The following MED12L variants were observed in gnomAD, a reference collection of about 807,000 sequenced individuals.
The protein encoded by MED12L is mediator of RNA polymerase II transcription subunit 12-like protein.
MED12L carries 60 observed loss-of-function variants against 281.3 expected under a neutral mutation model. The ratio of observed to expected loss-of-function variants is 0.21; its 90% confidence interval spans 0.17 to 0.26. The LOEUF (loss-of-function observed/expected upper bound fraction) is 0.26, where lower values mean the gene tolerates loss of function less well. Ranked by LOEUF, MED12L falls within the 10% of genes least tolerant of loss-of-function variation. The pLI, the probability that MED12L is intolerant of heterozygous loss-of-function variation, is 1.00. For missense variants in MED12L, 2,146 were observed against 2,680.9 expected, an observed-to-expected ratio of 0.80 and a Z score of 4.41; for synonymous variants, 974 against 987.2, an observed-to-expected ratio of 0.99 and a Z score of 0.25.
At chr3:151,201,011 A>G (rs909395523) in intron 16 of MED12L, 15 of 152,188 alleles carry the variant, frequency 9.9e-5, no homozygotes, top group African/African-American at 3.1e-4. Flanking sequence ...CCTCAGTAAC[A>G]ATAGTAAGAT....
chr3:151,319,478 T>C (rs1187985108), intron 16 of MED12L, among the ~76,000 whole-genome samples: 1,612 of 127,854 alleles, frequency 0.013, 40 homozygotes, highest in African/African-American at 0.061. Flanking sequence ...CGTGTGTGTG[T>C]GTGTGTGTGT....
rs957781384 is a variant in MED12L, at chr3:151,433,743, A to G, written c.*939A>G. 3 of 152,664 alleles carry G rather than the reference A, an allele frequency of 2.0e-5. No homozygotes were observed. Among genetic ancestry groups the G allele is most frequent in the Non-Finnish European group, 4.4e-5 (3 of 68,044 alleles). The allele number at this position is 152,664 out of a possible 1,614,324, so 9.5% of individuals were successfully genotyped here. ...CATGGTTTCCAGAGAATCTGGCCCC[A>G]AAGTCCAGAAGGCTCTGGTTTTCAT... On this transcript the variant is annotated 3_prime_UTR_variant, in exon 45 of 45. Transcript: ENST00000687756.
At chr3:151,269,798 A>G in intron 16 of MED12L, 1 of 420,938 alleles carries the variant, frequency 2.4e-6, no homozygotes, top group Admixed American at 2.8e-5. Context: ...GTCAAATGCA[A>G]ATCTGGAAAG....
chr3:151,160,238 ATTT>A (rs1719812837), intron 8 of MED12L, 137 bp downstream of exon 8: 4 of 818,490 alleles, frequency 4.9e-6, no homozygotes, highest in Non-Finnish European at 7.6e-6. Flanking sequence ...ATTGATTGAA[ATTT>A]TATGTTTTTA....
chr3:151,171,033 C>T (rs1014378035), intron 11 of MED12L, among the ~76,000 whole-genome samples: 20 of 152,348 alleles, frequency 1.3e-4, no homozygotes, highest in Admixed American at 9.8e-4. Flanking sequence ...ACTGTGCAGC[C>T]AGGCAGTGTG....
chr3:151,099,401 T>C (rs1311734373), intron 2 of MED12L, among the ~76,000 whole-genome samples: 1 of 152,202 alleles, frequency 6.6e-6, no homozygotes, highest in East Asian at 1.9e-4. Flanking sequence ...GAAATTTGAA[T>C]ACATATTCAT....
intron 43 of MED12L, chr3:151,425,670 G>T (rs1718798872): frequency 2.2e-6 from 1 of 456,626 alleles, no homozygotes; most frequent in South Asian, 1.5e-5. Flanking sequence ...TAGTAAGCTG[G>T]GTATTCGGTC....
chr3:151,309,347 A>T (rs1399812995), intron 16 of MED12L, among the ~76,000 whole-genome samples: 1 of 152,134 alleles, frequency 6.6e-6, no homozygotes, highest in Non-Finnish European at 1.5e-5. Flanking sequence ...TTATCTTAAT[A>T]TTTGCCACAT....
chr3:151,382,868 C>G (rs768405441), intron 33 of MED12L, 123 bp downstream of exon 33: 111 of 679,622 alleles, frequency 1.6e-4, no homozygotes, highest in Non-Finnish European at 2.5e-4. Context: ...ACTCTTTGCT[C>G]TCTGTAATTA....
chr3:151,265,519 A>G (rs4679783), intron 16 of MED12L, among the ~76,000 whole-genome samples: 67,630 of 151,974 alleles, frequency 0.45, 15,352 homozygotes, highest in Middle Eastern at 0.66. Flanking sequence ...GGTCACTGCC[A>G]TCATCCTCCC....
chr3:151,149,153 G>C (rs915734614), intron 5 of MED12L, among the ~76,000 whole-genome samples: 6 of 152,208 alleles, frequency 3.9e-5, no homozygotes, highest in Admixed American at 3.9e-4. Flanking sequence ...TACGTGTAAG[G>C]TGTAGTTTTA....
intron 16 of MED12L, among the ~76,000 whole-genome samples, chr3:151,229,869 C>T (rs1009557387): frequency 1.3e-5 from 2 of 152,222 alleles, no homozygotes; most frequent in African/African-American, 4.8e-5. Flanking sequence ...GTGAAAGATG[C>T]ACTTTTATGC....
rs377734643 is a variant in MED12L, at chr3:151,192,678, T to C, written c.2073+24T>C. 4.0e-5 allele frequency: 55 copies of C among 1,387,120 alleles called. No homozygotes were observed. The African/African-American group carries it at 4.0e-4, about 10-fold the overall frequency. The allele number at this position is 1,387,120 out of a possible 1,614,324, so 85.9% of individuals were successfully genotyped here. A position where few individuals can be genotyped will look rare whatever the true frequency, so the allele number is the denominator to read the frequency against. On this transcript the variant is annotated intron_variant, in intron 15 of 44. Coordinates refer to ENST00000687756, the MANE Select transcript of MED12L (RefSeq NM_001393769.1). ...CAGTAGGTTCAATCTTTGATTCTTA[T>C]TGACAATTAAGAATTAACCCGTTCC...
In MED12L at chr3:151,355,138, A is replaced by G; in HGVS notation, c.2416A>G (p.Lys806Glu). The G allele has an allele frequency of 1.9e-6, 3 of 1,613,906 alleles. No homozygotes were observed. In the East Asian group the frequency reaches 6.7e-5, roughly 36 times the overall value. The stretch of plus-strand genomic sequence containing the variant: ...TTATGTAGTTGGGGACGAAGGACAA[A>G]AAGCCAGGAAGAACAAACAGGAGAC... ...TETGVGDEGQ[K>E]ARKNKQETFP... The change falls in exon 18 of 45, where the codon AAA (lysine) becomes GAA (glutamate). Residue 806 changes from lysine (K) to glutamate (E), a missense_variant. By Grantham distance (56) the Lys-to-Glu change is moderately conservative. Coordinates refer to ENST00000687756, the MANE Select transcript of MED12L (RefSeq NM_001393769.1).
intron 5 of MED12L, among the ~76,000 whole-genome samples, chr3:151,140,503 A>C (rs534926106): frequency 2.0e-5 from 3 of 152,212 alleles, no homozygotes; most frequent in African/African-American, 7.2e-5. Context: ...CTGTAACTCT[A>C]TGTGCCCGAT....
rs181539136 is a variant in MED12L, at chr3:151,392,382, C to G, written c.5608+2247C>G. Among the ~76,000 whole-genome samples, 61 of 146,876 alleles carry G rather than the reference C, an allele frequency of 4.2e-4. No individual in the cohort carries two copies. The East Asian group carries it at 0.012, about 28-fold the overall frequency. ...TTGGGAGGCCAAAGCAGGAGAATAA[C>G]TTGAACCTAGGAGGCAAAGGTTGCT... On this transcript the variant is annotated intron_variant, in intron 38 of 44. Coordinates refer to ENST00000687756, the MANE Select transcript of MED12L (RefSeq NM_001393769.1).
chr3:151,223,024 T>C (rs887506353), intron 16 of MED12L, among the ~76,000 whole-genome samples: 1 of 152,170 alleles, frequency 6.6e-6, no homozygotes, highest in African/African-American at 2.4e-5. Context: ...ACTTAGAATG[T>C]TCCTAAAAAG....
At chr3:151,349,820 G>T (rs988700407) in intron 16 of MED12L, among the ~76,000 whole-genome samples, 3 of 150,514 alleles carry the variant, frequency 2.0e-5, no homozygotes, top group Admixed American at 6.6e-5. Flanking sequence ...CCCACATCAA[G>T]TGCTTCTATT....
intron 5 of MED12L, among the ~76,000 whole-genome samples, chr3:151,143,130 G>C (rs1457887559): frequency 4.6e-5 from 7 of 152,186 alleles, no homozygotes; most frequent in Admixed American, 3.3e-4. Context: ...GGAATGAGAG[G>C]GAAGCCGGGG....
Sources: gnomAD v4.1 joint callset for allele counts (sites outside exome capture counted in the v4.1 genomes callset) on GRCh38, gnomAD v4.1.1 for gene constraint, MANE v1.5 for transcripts, NCBI Gene and HGNC (gene_info 2026-07-23, HGNC 2026-07-21) for gene names.